Variants in OSBPL6 observed in about 807,000 individuals in gnomAD.
OSBPL6 encodes the protein oxysterol binding protein like 6.
In OSBPL6, 49 loss-of-function variants were observed where a neutral mutation model predicts 125.8. That is an observed-to-expected ratio of 0.39 (90% CI 0.31 to 0.49). The LOEUF (loss-of-function observed/expected upper bound fraction) is 0.49, where lower values mean the gene tolerates loss of function less well. OSBPL6 is among the 20% of genes least tolerant of loss of function. The pLI, the probability that OSBPL6 is intolerant of heterozygous loss-of-function variation, is 0.88. For synonymous variants in OSBPL6, 394 were observed against 391.8 expected, an observed-to-expected ratio of 1.01 and a Z score of -0.07; for missense variants, 986 against 1,135.4, an observed-to-expected ratio of 0.87 and a Z score of 1.89.
At chr2:178,225,532 T>C (rs2090523701) in intron 1 of OSBPL6, among the ~76,000 whole-genome samples, 1 of 152,176 alleles carries the variant, frequency 6.6e-6, no homozygotes. Flanking sequence ...CAGAAAACCG[T>C]GGTGTCAGTC....
chr2:178,252,336 A>T (rs941462183), intron 1 of OSBPL6, among the ~76,000 whole-genome samples: 1 of 110,582 alleles, frequency 9.0e-6, no homozygotes, highest in African/African-American at 4.0e-5. Context: ...GTTGCCAACT[A>T]CTCAATTCTG....
chr2:178,316,530 T>C (rs4894007), intron 3 of OSBPL6, among the ~76,000 whole-genome samples: 146,697 of 152,248 alleles, frequency 0.96, 70,721 homozygotes, highest in Non-Finnish European at 0.97. Context: ...TTAAAACCTC[T>C]GTAGCCACAG....
intron 3 of OSBPL6, 87 bp downstream of exon 3, chr2:178,306,373 AT>A: frequency 1.2e-6 from 1 of 834,548 alleles, no homozygotes; most frequent in South Asian, 1.5e-5. Context: ...TAATTCTGAA[AT>A]TTTGTTGTAA....
intron 14 of OSBPL6, 145 bp downstream of exon 14, chr2:178,372,378 T>C (rs1365494113): frequency 1.8e-6 from 1 of 566,526 alleles, no homozygotes; most frequent in Non-Finnish European, 3.1e-6. Context: ...TCAGTGTTCT[T>C]TGAAGTAAAG....
At chr2:178,276,054 A>C (rs951134726) in intron 1 of OSBPL6, among the ~76,000 whole-genome samples, 6 of 152,210 alleles carry the variant, frequency 3.9e-5, no homozygotes, top group Non-Finnish European at 8.8e-5. Context: ...AAAGATTTAA[A>C]TATAGATTAG....
intron 9 of OSBPL6, among the ~76,000 whole-genome samples, chr2:178,338,758 A>T (rs765833964): frequency 6.6e-6 from 1 of 152,208 alleles, no homozygotes; most frequent in Non-Finnish European, 1.5e-5. Flanking sequence ...TGAGAGTTTC[A>T]TGGTTTCTGC....
intron 1 of OSBPL6, among the ~76,000 whole-genome samples, chr2:178,203,489 G>A (rs1188603413): frequency 1.3e-5 from 2 of 152,134 alleles, no homozygotes; most frequent in East Asian, 1.9e-4. Flanking sequence ...TTAACTTTTC[G>A]AACATACGGA....
intron 2 of OSBPL6, among the ~76,000 whole-genome samples, chr2:178,294,436 T>C (rs972659361): frequency 6.6e-6 from 1 of 152,196 alleles, no homozygotes; most frequent in African/African-American, 2.4e-5. Context: ...CTTAAAATTA[T>C]CCAATATTGA....
chr2:178,314,237 A>G (rs1342444474), intron 3 of OSBPL6, among the ~76,000 whole-genome samples: 1 of 152,234 alleles, frequency 6.6e-6, no homozygotes, highest in Non-Finnish European at 1.5e-5. Flanking sequence ...TCTAATTTCT[A>G]AAGAAAAGAA....
At chr2:178,236,225 G>GA (rs777318654) in intron 1 of OSBPL6, among the ~76,000 whole-genome samples, 2 of 151,028 alleles carry the variant, frequency 1.3e-5, no homozygotes, top group Admixed American at 1.3e-4. Flanking sequence ...TCTTAATCCT[G>GA]AAAAAAAAAT....
intron 1 of OSBPL6, among the ~76,000 whole-genome samples, chr2:178,201,491 C>T (rs1254338205): frequency 6.6e-6 from 1 of 152,224 alleles, no homozygotes; most frequent in East Asian, 1.9e-4. Flanking sequence ...CTGCTGGCCT[C>T]AGCCCCCTGA....
At chr2:178,391,253 C>T (rs763429458) in intron 22 of OSBPL6, 36 bp downstream of exon 22, 2 of 1,546,748 alleles carry the variant, frequency 1.3e-6, no homozygotes, top group African/African-American at 2.8e-5. Context: ...AACAGGAGGG[C>T]ACTATGGACA....
chr2:178,220,427 G>T (rs962448248), intron 1 of OSBPL6, among the ~76,000 whole-genome samples: 16 of 152,068 alleles, frequency 1.1e-4, no homozygotes, highest in African/African-American at 3.6e-4. Context: ...CTCCTTAGTA[G>T]CTGGGACTTC....
At chr2:178,286,664 C>T (rs1404688390) in intron 2 of OSBPL6, among the ~76,000 whole-genome samples, 2 of 152,120 alleles carry the variant, frequency 1.3e-5, no homozygotes, top group African/African-American at 4.8e-5. Context: ...TATTTCATGA[C>T]CTAAGAGTTC....
chr2:178,341,333 C>CTTT lies in OSBPL6; in HGVS notation c.987+1585_987+1587dup, dbSNP rs60436384. Among the ~76,000 whole-genome samples, 306 of 117,368 alleles carry CTTT rather than the reference C, an allele frequency of 2.6e-3. 4 individuals carry two copies. Among genetic ancestry groups the CTTT allele is most frequent in the African/African-American group, 7.1e-3 (228 of 31,910 alleles). The allele number at this position is 117,368 out of a possible 152,430, so 77.0% of individuals were successfully genotyped here. On this transcript the variant is annotated intron_variant, in intron 11 of 24. Coordinates refer to ENST00000190611, the MANE Select transcript of OSBPL6 (RefSeq NM_032523.4). ...CTCCACTAGAGACCCCCAAATCATT[C>CTTT]TTTTTTTTTTTTTTTTTTCTGAAGG...
chr2:178,242,525 G>A (rs1165968766), intron 1 of OSBPL6, among the ~76,000 whole-genome samples: 1 of 152,166 alleles, frequency 6.6e-6, no homozygotes, highest in Non-Finnish European at 1.5e-5. Flanking sequence ...AGTCAAGTGT[G>A]GCGAGCCTGC....
chr2:178,256,632 A>T (rs979128665), intron 1 of OSBPL6, among the ~76,000 whole-genome samples: 1 of 152,190 alleles, frequency 6.6e-6, no homozygotes, highest in Non-Finnish European at 1.5e-5. Context: ...AATGAATGGC[A>T]TATGTTCCCG....
intron 8 of OSBPL6, among the ~76,000 whole-genome samples, chr2:178,335,615 A>G (rs547725053): frequency 5.9e-5 from 9 of 152,358 alleles, no homozygotes; most frequent in African/African-American, 2.2e-4. Flanking sequence ...GTTGGATATT[A>G]AAGTCAACTA....
At chr2:178,210,823 A>AAACACAC in intron 1 of OSBPL6, among the ~76,000 whole-genome samples, 1 of 145,484 alleles carries the variant, frequency 6.9e-6, no homozygotes, top group South Asian at 2.2e-4. Flanking sequence ...AAAAAAAAAA[A>AAACACAC]ACACACACAC....
Sources: allele counts gnomAD v4.1 joint callset (sites outside exome capture counted in the v4.1 genomes callset), GRCh38; gene constraint gnomAD v4.1.1; transcripts MANE v1.5; gene names NCBI Gene and HGNC (gene_info 2026-07-23, HGNC 2026-07-21).